The following CDH18 variants were observed in gnomAD, a reference collection of about 807,000 sequenced individuals.
CDH18 encodes cadherin-18.
Under a neutral mutation model 67.9 loss-of-function variants are expected in CDH18, and 31 were observed. The ratio of observed to expected loss-of-function variants is 0.46; its 90% CI spans 0.34 to 0.62. The LOEUF (loss-of-function observed/expected upper bound fraction) is 0.62, where lower values mean the gene tolerates loss of function less well. Among genes scored for constraint, CDH18 ranks in the 20% least tolerant of loss-of-function variants. The pLI is 0.01. For synonymous variants in CDH18, 362 were observed against 347.2 expected, an observed-to-expected ratio of 1.04 and a Z score of -0.48; for missense variants, 890 against 975.5, an observed-to-expected ratio of 0.91 and a Z score of 1.17.
At chr5:19,699,917 A>C (rs1763015940) in intron 5 of CDH18, among the ~76,000 whole-genome samples, 1 of 152,128 alleles carries the variant, frequency 6.6e-6, no homozygotes, top group South Asian at 2.1e-4. Flanking sequence ...GTTGCACTGA[A>C]AACCAAGACT....
At chr5:19,960,664 CACAT>C (rs1561636233) in intron 2 of CDH18, among the ~76,000 whole-genome samples, 1 of 120,260 alleles carries the variant, frequency 8.3e-6, no homozygotes, top group Non-Finnish European at 1.6e-5. Flanking sequence ...TATATATATA[CACAT>C]GTATATATAT....
At chr5:19,486,205 T>C (rs1740377259) in intron 11 of CDH18, among the ~76,000 whole-genome samples, 1 of 151,380 alleles carries the variant, frequency 6.6e-6, no homozygotes, top group Non-Finnish European at 1.5e-5. Flanking sequence ...CAGTACAAAA[T>C]GTACTTGGCA....
intron 2 of CDH18, among the ~76,000 whole-genome samples, chr5:20,010,366 C>T (rs192001695): frequency 1.4e-3 from 217 of 151,878 alleles, no homozygotes; most frequent in Non-Finnish European, 1.5e-3. Flanking sequence ...TGCACCACCA[C>T]GCCCCACTAT....
intron 2 of CDH18, among the ~76,000 whole-genome samples, chr5:19,941,507 TGCCATG>T (rs1270012409): frequency 1.3e-5 from 2 of 151,972 alleles, no homozygotes; most frequent in African/African-American, 4.8e-5. Context: ...TTGGGCCAGG[TGCCATG>T]GCTCATGTCC....
chr5:20,133,880 T>C (rs1473666697), intron 2 of CDH18, among the ~76,000 whole-genome samples: 1 of 152,154 alleles, frequency 6.6e-6, no homozygotes, highest in African/African-American at 2.4e-5. Flanking sequence ...ACATTATCAT[T>C]CGAAAAATTT....
At chr5:20,304,805 C>T (rs1256679816) in intron 1 of CDH18, 3 of 1,611,000 alleles carry the variant, frequency 1.9e-6, no homozygotes, top group East Asian at 2.2e-5. Context: ...GTTTCAGCCG[C>T]AGCTTTGTTA....
intron 4 of CDH18, among the ~76,000 whole-genome samples, chr5:19,728,883 G>C (rs1474638903): frequency 6.6e-6 from 1 of 152,104 alleles, no homozygotes; most frequent in Non-Finnish European, 1.5e-5. Context: ...TAGTCGTCAA[G>C]ATACAACTTA....
chr5:20,558,702 A>G (rs2126640693), intron 1 of CDH18, among the ~76,000 whole-genome samples: 1 of 152,176 alleles, frequency 6.6e-6, no homozygotes, highest in East Asian at 1.9e-4. Context: ...GCACATTTTT[A>G]TTTTGTTTGT....
At chr5:19,864,431 T>C (rs1785247761) in intron 2 of CDH18, among the ~76,000 whole-genome samples, 1 of 150,254 alleles carries the variant, frequency 6.7e-6, no homozygotes, top group South Asian at 2.1e-4. Context: ...TAATGCTACA[T>C]GAGGAGTTAA....
chr5:20,056,478 G>GTTTTTTTTTTT lies in CDH18; in HGVS notation c.-517-64475_-517-64465dup, dbSNP rs58415003. Among the ~76,000 whole-genome samples, 10 of 16,292 alleles carry GTTTTTTTTTTT rather than the reference G, an allele frequency of 6.1e-4. 3 individuals are homozygous for GTTTTTTTTTTT. The highest frequency in any genetic ancestry group is 8.5e-4 in the African/African-American group (4 of 4,720). The allele number at this position is 16,292 out of a possible 152,430, so 10.7% of individuals were successfully genotyped here. On this transcript the variant is annotated intron_variant, in intron 2 of 14. Coordinates refer to the CDH18 transcript ENST00000507958. ...TATTTTTCTTTATTTTCTTTCTTTT[G>GTTTTTTTTTTT]TTTTTTTTTTTTTTTTTTTTTTTTT... is the stretch of plus-strand genomic sequence containing the variant.
chr5:20,121,210 A>G (rs990314010), intron 2 of CDH18, among the ~76,000 whole-genome samples: 22 of 152,172 alleles, frequency 1.4e-4, no homozygotes, highest in Admixed American at 3.9e-4. Context: ...TGTTTCTATA[A>G]TACTTCCAAA....
intron 5 of CDH18, among the ~76,000 whole-genome samples, chr5:19,626,989 A>G (rs1355927731): frequency 6.6e-6 from 1 of 152,206 alleles, no homozygotes; most frequent in Non-Finnish European, 1.5e-5. Flanking sequence ...ACTACTTTCA[A>G]ATTGTGTTAC....
intron 2 of CDH18, among the ~76,000 whole-genome samples, chr5:20,235,074 G>A (rs1022037596): frequency 5.9e-5 from 9 of 151,944 alleles, no homozygotes; most frequent in African/African-American, 1.9e-4. Context: ...ATGGCTATCT[G>A]TACACAGAAG....
intron 5 of CDH18, among the ~76,000 whole-genome samples, chr5:19,714,519 T>A (rs929773269): frequency 6.6e-6 from 1 of 152,172 alleles, no homozygotes; most frequent in East Asian, 1.9e-4. Context: ...AGATTTTTTT[T>A]TTTTTTTCAG....
chr5:19,674,159 C>T (rs551211232), intron 5 of CDH18, among the ~76,000 whole-genome samples: 2 of 151,928 alleles, frequency 1.3e-5, no homozygotes, highest in East Asian at 3.9e-4. Flanking sequence ...AAGGACCAAA[C>T]TTAATGGATA....
chr5:19,475,814 G>A (rs1019050461), intron 12 of CDH18, among the ~76,000 whole-genome samples: 3 of 151,940 alleles, frequency 2.0e-5, no homozygotes, highest in Admixed American at 6.6e-5. Flanking sequence ...TGAATGAATG[G>A]TTGTGAATCA....
At chr5:20,145,646 T>C (rs1455143181) in intron 2 of CDH18, among the ~76,000 whole-genome samples, 2 of 152,142 alleles carry the variant, frequency 1.3e-5, no homozygotes, top group African/African-American at 4.8e-5. Context: ...TCCAAGTAGA[T>C]ACAAGTTGAC....
intron 2 of CDH18, among the ~76,000 whole-genome samples, chr5:20,089,641 T>G (rs1745259626): frequency 6.6e-6 from 1 of 152,146 alleles, no homozygotes; most frequent in Admixed American, 6.6e-5. Context: ...TTTTGAAAGT[T>G]ATCAAGATTT....
intron 1 of CDH18, among the ~76,000 whole-genome samples, chr5:20,457,763 C>T (rs1750945542): frequency 6.6e-6 from 1 of 151,920 alleles, no homozygotes; most frequent in African/African-American, 2.4e-5. Flanking sequence ...AATGTGGAGG[C>T]AGGATGAATA....
Sources: gnomAD v4.1 joint callset for allele counts (sites outside exome capture counted in the v4.1 genomes callset) on GRCh38, gnomAD v4.1.1 for gene constraint, MANE v1.5 for transcripts, NCBI Gene and HGNC (gene_info 2026-07-23, HGNC 2026-07-21) for gene names.